Variants in EHMT1 observed in about 807,000 individuals in gnomAD.
EHMT1 encodes histone-lysine N-methyltransferase EHMT1.
Under a neutral mutation model 147.2 loss-of-function variants are expected in EHMT1, and 15 were observed. That is an observed-to-expected ratio of 0.10 (90% CI 0.07 to 0.16). The LOEUF is 0.16. Among genes scored for constraint, EHMT1 ranks in the 10% least tolerant of loss-of-function variants. The pLI is 1.00. For missense variants in EHMT1, 1,587 were observed against 1,772.4 expected (o/e 0.90, Z 1.88); for synonymous variants, 795 against 709.6 (o/e 1.12, Z -1.91).
intron 17 of EHMT1, among the ~76,000 whole-genome samples, chr9:137,800,080 G>A (rs1200465406): frequency 1.3e-5 from 2 of 152,216 alleles, no homozygotes; most frequent in Admixed American, 6.5e-5. Flanking sequence ...CCACCGCAGG[G>A]GAGATGTAGC....
intron 10 of EHMT1, 143 bp downstream of exon 10, chr9:137,762,963 G>A (rs963015199): frequency 1.4e-5 from 15 of 1,038,234 alleles, no homozygotes; most frequent in South Asian, 2.7e-5. Flanking sequence ...AGAACCAATC[G>A]AGCAGATCCC....
intron 16 of EHMT1, among the ~76,000 whole-genome samples, chr9:137,791,823 C>A (rs897999155): frequency 1.3e-5 from 2 of 152,136 alleles, no homozygotes; most frequent in Non-Finnish European, 2.9e-5. Context: ...CCTCCACCTC[C>A]CAGGTTCAAG....
rs76621805 is a variant in EHMT1 at position 137,774,105 on chromosome 9, C to T, written c.1648-1004C>T. Among the ~76,000 whole-genome samples, 956 of 152,300 alleles carry T rather than the reference C, an allele frequency of 6.3e-3. 13 individuals are homozygous for T. The highest frequency in any genetic ancestry group is 0.02 in the African/African-American group (851 of 41,556). ...TTGTGTGCAGGTTCCTCTGGCTGCC[C>T]CAGAATCCTTGGGGCTCCCACAGAT... is the stretch of plus-strand genomic sequence containing the variant. On this transcript the variant is annotated intron_variant, in intron 10 of 26. Coordinates refer to ENST00000460843, the MANE Select transcript of EHMT1 (RefSeq NM_024757.5).
At chr9:137,673,675 G>A (rs533898621) in intron 1 of EHMT1, among the ~76,000 whole-genome samples, 2 of 152,374 alleles carry the variant, frequency 1.3e-5, no homozygotes, top group South Asian at 4.1e-4. Flanking sequence ...TGCCCTCAGG[G>A]AGGCTCTGGC....
rs917279432 is a variant in EHMT1, at chr9:137,835,101, C to A, written c.*148C>A. ...GGAGGGGTCGGAGGTGAGGCTGCAG[C>A]CCCTGCGGGCGGGTGTGGATGCCTC... On this transcript the variant is annotated 3_prime_UTR_variant, in exon 27 of 27. Coordinates refer to ENST00000460843, the MANE Select transcript of EHMT1 (RefSeq NM_024757.5). 9.0e-5 allele frequency: 89 copies of A among 986,718 alleles called. No homozygotes were observed. The highest frequency in any genetic ancestry group is 1.1e-4 in the Non-Finnish European group (85 of 739,910). 61.1% of individuals were successfully genotyped at this position (986,718 alleles called of 1,614,324 possible).
chr9:137,760,794 G>A (rs1208499755), intron 9 of EHMT1, among the ~76,000 whole-genome samples: 1 of 152,228 alleles, frequency 6.6e-6, no homozygotes, highest in Non-Finnish European at 1.5e-5. Context: ...CAGATCACAA[G>A]GTCAGGAGAT....
intron 3 of EHMT1, among the ~76,000 whole-genome samples, chr9:137,727,469 A>G (rs891861266): frequency 2.6e-5 from 4 of 152,118 alleles, no homozygotes; most frequent in Non-Finnish European, 4.4e-5. Flanking sequence ...ATTTTTTTAT[A>G]TGGTTTAGAA....
intron 1 of EHMT1, among the ~76,000 whole-genome samples, chr9:137,663,927 T>C (rs1241308567): frequency 6.6e-6 from 1 of 152,242 alleles, no homozygotes; most frequent in Non-Finnish European, 1.5e-5. Flanking sequence ...TTATATGTAC[T>C]GTGTATTATT....
rs1387596594 is a variant in EHMT1 at position 137,716,692 on chromosome 9, A to G, written c.152A>G (p.Asp51Gly). 1.2e-6 allele frequency: 2 copies of G among 1,606,632 alleles called. No homozygotes were observed. Among genetic ancestry groups the G allele is most frequent in the African/African-American group, 2.7e-5 (2 of 74,780 alleles). The stretch of plus-strand genomic sequence containing the variant: ...GCAGGAGAGGCCCACATGGCTGCGG[A>G]CGGTGAGACCAATGGGTCTTGTGAA... The part of the protein sequence containing the change: ...KQAGEAHMAA[D>G]GETNGSCENS... Residue 51 changes from aspartate to glycine, a missense_variant, in exon 3 of 27, where the codon GAC becomes GGC. Around this residue, in one of 7 missense-constraint regions of EHMT1, gnomAD observed 810 missense variants for 673.0 expected, o/e 1.20. Coordinates refer to ENST00000460843, the MANE Select transcript of EHMT1 (RefSeq NM_024757.5).
intron 1 of EHMT1, among the ~76,000 whole-genome samples, chr9:137,659,185 A>G (rs1938803157): frequency 6.7e-6 from 1 of 149,136 alleles, no homozygotes; most frequent in South Asian, 2.1e-4. Context: ...TATTTTTCTT[A>G]TTTTTGGTTT....
chr9:137,668,860 C>T (rs540371223), intron 1 of EHMT1, among the ~76,000 whole-genome samples: 1 of 152,190 alleles, frequency 6.6e-6, no homozygotes, highest in African/African-American at 2.4e-5. Flanking sequence ...TGGTGACTGT[C>T]TGTTTTAAGT....
At chr9:137,659,285 T>C (rs960322355) in intron 1 of EHMT1, among the ~76,000 whole-genome samples, 8 of 152,120 alleles carry the variant, frequency 5.3e-5, no homozygotes, top group African/African-American at 1.9e-4. Flanking sequence ...TTGCCCATTT[T>C]TTCATGCTTT....
At chr9:137,762,896 G>T in intron 10 of EHMT1, 76 bp downstream of exon 10, 1 of 1,597,680 alleles carries the variant, frequency 6.3e-7, no homozygotes, top group Non-Finnish European at 8.5e-7. Flanking sequence ...GGCCCCGACA[G>T]CCCCTCGAGT....
intron 1 of EHMT1, among the ~76,000 whole-genome samples, chr9:137,688,212 CAG>C (rs563903267): frequency 7.0e-4 from 107 of 152,264 alleles, no homozygotes; most frequent in East Asian, 3.9e-3. Flanking sequence ...TTAGTAGAGA[CAG>C]GGGTTCACCA....
intron 1 of EHMT1, among the ~76,000 whole-genome samples, chr9:137,634,868 ATTTTT>A (rs781056803): frequency 1.8e-3 from 166 of 92,072 alleles, no homozygotes; most frequent in Middle Eastern, 9.4e-3. Flanking sequence ...TGCCCAGCTA[ATTTTT>A]TTTTTTTTTT....
At chr9:137,820,069 T>A (rs1241978107) in intron 25 of EHMT1, 2 of 152,222 alleles carry the variant, frequency 1.3e-5, no homozygotes, top group Non-Finnish European at 2.9e-5. Flanking sequence ...ATAAATCTTA[T>A]ACCTGGAGAA....
intron 18 of EHMT1, among the ~76,000 whole-genome samples, chr9:137,808,526 A>G (rs1392070590): frequency 6.6e-6 from 1 of 151,932 alleles, no homozygotes; most frequent in East Asian, 1.9e-4. Context: ...GTATCACCCC[A>G]TTGTTTCAGG....
intron 1 of EHMT1, among the ~76,000 whole-genome samples, chr9:137,661,486 CTTT>C (rs1195276514): frequency 3.7e-5 from 5 of 133,882 alleles, no homozygotes; most frequent in Non-Finnish European, 3.2e-5. Context: ...TTTTGTACAT[CTTT>C]TTTTTTTTTT....
chr9:137,750,110 A>T (rs1948850879), intron 6 of EHMT1, among the ~76,000 whole-genome samples: 1 of 152,268 alleles, frequency 6.6e-6, no homozygotes. Context: ...AATCAGCTCA[A>T]AACCTATTAC....
Sources: allele counts gnomAD v4.1 joint callset (sites outside exome capture counted in the v4.1 genomes callset), GRCh38; gene constraint gnomAD v4.1.1; regional missense constraint gnomAD v4.1.1; transcripts MANE v1.5; gene names NCBI Gene and HGNC (gene_info 2026-07-23, HGNC 2026-07-21).